The following IL1RAPL2 variants were observed in gnomAD, a reference collection of about 807,000 sequenced individuals.
The protein encoded by IL1RAPL2 is X-linked interleukin-1 receptor accessory protein-like 2.
In IL1RAPL2, 3 loss-of-function variants were observed where a neutral mutation model predicts 44.1. The ratio of observed to expected loss-of-function variants is 0.07; its 90% CI spans 0.03 to 0.18. The LOEUF (loss-of-function observed/expected upper bound fraction) is 0.18. IL1RAPL2 is among the 10% of genes least tolerant of loss of function. The pLI, the probability that IL1RAPL2 is intolerant of heterozygous loss-of-function variation, is 1.00. For synonymous variants in IL1RAPL2, 181 were observed against 178.8 expected, an observed-to-expected ratio of 1.01 and a Z score of -0.10; for missense variants, 391 against 496.4, an observed-to-expected ratio of 0.79 and a Z score of 2.02.
chrX:104,988,386 G>T (rs1314829155), intron 2 of IL1RAPL2, among the ~76,000 whole-genome samples: 1 of 112,263 alleles, frequency 8.9e-6, no homozygotes, highest in Admixed American at 9.5e-5. Flanking sequence ...CTTGTTATGT[G>T]TAAATGAATT....
At chrX:105,249,205 C>T (rs949384354) in intron 4 of IL1RAPL2, among the ~76,000 whole-genome samples, 5 of 110,717 alleles carry the variant, frequency 4.5e-5, no homozygotes, top group Non-Finnish European at 9.5e-5. Flanking sequence ...ATGGATGGAA[C>T]CAGAGGTCAT....
chrX:104,901,076 C>A (rs763707640), intron 2 of IL1RAPL2, among the ~76,000 whole-genome samples: 45 of 107,861 alleles, frequency 4.2e-4, no homozygotes, highest in Admixed American at 2.2e-3. Flanking sequence ...ACTTTAGGTC[C>A]TTCTATTATT....
chrX:105,195,189 G>A (rs782473310), intron 2 of IL1RAPL2, among the ~76,000 whole-genome samples: 1 of 108,244 alleles, frequency 9.2e-6, no homozygotes, highest in South Asian at 4.2e-4. Flanking sequence ...GGTGCCACAG[G>A]ACAACCCTAT....
intron 6 of IL1RAPL2, among the ~76,000 whole-genome samples, chrX:105,571,555 C>T (rs2037014255): frequency 9.0e-6 from 1 of 110,987 alleles, no homozygotes; most frequent in Admixed American, 9.6e-5. Flanking sequence ...TGTGGCTCCA[C>T]TGTCCTCTGT....
At chrX:104,613,030 G>A (rs1255611326) in intron 1 of IL1RAPL2, among the ~76,000 whole-genome samples, 1 of 111,720 alleles carries the variant, frequency 9.0e-6, no homozygotes, top group Non-Finnish European at 1.9e-5. Context: ...TTAGTCTTCT[G>A]AAATTTTACT....
chrX:105,138,084 A>G (rs1025246867), intron 2 of IL1RAPL2, among the ~76,000 whole-genome samples: 3 of 110,456 alleles, frequency 2.7e-5, no homozygotes, highest in South Asian at 3.9e-4. Context: ...AAAAATATGT[A>G]TATATAATTT....
chrX:105,606,108 A>T (rs2037290911), intron 6 of IL1RAPL2, among the ~76,000 whole-genome samples: 2 of 111,759 alleles, frequency 1.8e-5, no homozygotes, highest in African/African-American at 6.5e-5. Flanking sequence ...AACAATTAAT[A>T]GAATGAAGAG....
intron 2 of IL1RAPL2, among the ~76,000 whole-genome samples, chrX:104,885,955 G>A (rs1923229719): frequency 8.9e-6 from 1 of 112,791 alleles, no homozygotes; most frequent in Non-Finnish European, 1.9e-5. Context: ...AGGGTGCCCG[G>A]GCAAGCGCCA....
chrX:104,956,457 A>G (rs1185872495), intron 2 of IL1RAPL2, among the ~76,000 whole-genome samples: 28 of 13,921 alleles, frequency 2.0e-3, no homozygotes, highest in African/African-American at 9.9e-3. Context: ...CCCTGTCTCT[A>G]CTAAGTGTGT....
chrX:105,230,099 A>G (rs782188346), intron 3 of IL1RAPL2, among the ~76,000 whole-genome samples: 20 of 112,093 alleles, frequency 1.8e-4, no homozygotes, highest in African/African-American at 2.3e-4. Flanking sequence ...GCCCGGCCAG[A>G]AGTAAACCTT....
chrX:104,956,367 A>G (rs1804032660), intron 2 of IL1RAPL2, among the ~76,000 whole-genome samples: 1 of 111,408 alleles, frequency 9.0e-6, no homozygotes, highest in Non-Finnish European at 1.9e-5. Flanking sequence ...CAGGCCTGTA[A>G]TCCCAGCACT....
intron 5 of IL1RAPL2, among the ~76,000 whole-genome samples, chrX:105,384,434 T>G (rs1410705864): frequency 9.0e-6 from 1 of 111,478 alleles, no homozygotes; most frequent in East Asian, 2.8e-4. Flanking sequence ...TGTCAATTTA[T>G]TTCTGGTTTC....
chrX:105,272,049 G>A (rs917310002), intron 5 of IL1RAPL2, among the ~76,000 whole-genome samples: 1 of 103,464 alleles, frequency 9.7e-6, no homozygotes, highest in Non-Finnish European at 2.0e-5. Flanking sequence ...ACCAAACACC[G>A]CATATTCTCA....
chrX:105,733,546 AT>A (rs1262554712), intron 7 of IL1RAPL2, among the ~76,000 whole-genome samples: 1 of 110,770 alleles, frequency 9.0e-6, no homozygotes, highest in African/African-American at 3.3e-5. Flanking sequence ...TTTTTACATT[AT>A]TTTTTGTCCT....
intron 5 of IL1RAPL2, among the ~76,000 whole-genome samples, chrX:105,452,322 A>G (rs2036025242): frequency 9.0e-6 from 1 of 111,690 alleles, no homozygotes; most frequent in African/African-American, 3.2e-5. Flanking sequence ...TGAGGTAAAA[A>G]CAGAATACAG....
intron 2 of IL1RAPL2, among the ~76,000 whole-genome samples, chrX:105,024,252 T>C (rs945664461): frequency 8.9e-6 from 1 of 111,744 alleles, no homozygotes; most frequent in African/African-American, 3.2e-5. Context: ...CTATACAAAT[T>C]GCTTTCTGCC....
At chrX:105,379,432 G>A (rs991091819) in intron 5 of IL1RAPL2, among the ~76,000 whole-genome samples, 6 of 110,281 alleles carry the variant, frequency 5.4e-5, no homozygotes, top group African/African-American at 2.0e-4. Flanking sequence ...GGAGCTGTAA[G>A]CAATGAAGTA....
Position 104,901,401 on chromosome X carries a change from C to T in IL1RAPL2, c.82+242406C>T, listed in dbSNP as rs1266076866. On this transcript the variant is annotated intron_variant, in intron 2 of 10. Coordinates refer to ENST00000372582, the MANE Select transcript of IL1RAPL2 (RefSeq NM_017416.2). ...AATTTTTTTGTATTTTTAGTAGAGA[C>T]GGGGTTTCACCGTGTTAGCCAGGAT... Among the ~76,000 whole-genome samples, 12 of 107,392 alleles carry T rather than the reference C, an allele frequency of 1.1e-4. No individual in the cohort carries two copies. In the East Asian group the frequency reaches 3.5e-3, roughly 32 times the overall value. 93.3% of individuals were successfully genotyped at this position (107,392 alleles called of 115,157 possible). A position where few individuals can be genotyped will look rare whatever the true frequency, so the allele number is the denominator to read the frequency against.
chrX:104,788,440 T>C (rs949426428), intron 2 of IL1RAPL2, among the ~76,000 whole-genome samples: 1 of 112,161 alleles, frequency 8.9e-6, no homozygotes, highest in Non-Finnish European at 1.9e-5. Context: ...ACTAGTACTA[T>C]ACATAACAAC....
Sources: gnomAD v4.1 joint callset for allele counts (sites outside exome capture counted in the v4.1 genomes callset) on GRCh38, gnomAD v4.1.1 for gene constraint, MANE v1.5 for transcripts, NCBI Gene and HGNC (gene_info 2026-07-23, HGNC 2026-07-21) for gene names.